PTPRD: variants seen among roughly 807,000 people sequenced by gnomAD.
The protein encoded by PTPRD is protein tyrosine phosphatase receptor type D, also known as receptor-type tyrosine-protein phosphatase delta.
PTPRD carries 34 observed loss-of-function variants against 214.5 expected under a neutral mutation model. That is an observed-to-expected ratio of 0.16 (90% confidence interval 0.12 to 0.21). The LOEUF (loss-of-function observed/expected upper bound fraction) is 0.21, where lower values mean the gene tolerates loss of function less well. PTPRD is among the 10% of genes least tolerant of loss of function. The pLI is 1.00. For synonymous variants in PTPRD, 1,128 were observed against 845.7 expected, an observed-to-expected ratio of 1.33 and a Z score of -5.79; for missense variants, 2,545 against 2,398.7, an observed-to-expected ratio of 1.06 and a Z score of -1.27.
intron 9 of PTPRD, among the ~76,000 whole-genome samples, chr9:9,262,783 TA>T (rs1173325579): frequency 2.0e-5 from 3 of 151,694 alleles, no homozygotes; most frequent in Admixed American, 1.3e-4. Flanking sequence ...TATGAATACA[TA>T]AAACAATTAA....
At chr9:9,922,403 C>G (rs1238675881) in intron 5 of PTPRD, among the ~76,000 whole-genome samples, 2 of 152,070 alleles carry the variant, frequency 1.3e-5, no homozygotes, top group East Asian at 1.9e-4. Context: ...AACCTTCTTT[C>G]CCTTTTTGGT....
At chr9:9,620,792 T>A (rs1434990638) in intron 7 of PTPRD, among the ~76,000 whole-genome samples, 2 of 151,898 alleles carry the variant, frequency 1.3e-5, no homozygotes, top group African/African-American at 4.8e-5. Context: ...TAGAACTTTA[T>A]CGTCAGCTAC....
At position 10,336,746 on chromosome 9, in the gene PTPRD, G is replaced by A. The variant is rs368363285; in HGVS notation, c.-545+4217C>T. Among the ~76,000 whole-genome samples the A allele has an allele frequency of 5.8e-4, 88 of 151,674 alleles. 1 individual carries two copies. Among genetic ancestry groups the A allele is most frequent in the African/African-American group, 1.6e-3 (66 of 41,478 alleles). ...AATAACAATCGGCAGAAACTATAAAGAGCTATATCTAAAACAAAATACTAA... is the reference window on the plus strand; with the variant it reads ...AATAACAATCGGCAGAAACTATAAAAAGCTATATCTAAAACAAAATACTAA... On this transcript the variant is annotated intron_variant, in intron 3 of 45. Coordinates refer to ENST00000381196, the MANE Select transcript of PTPRD (RefSeq NM_002839.4).
chr9:8,772,629 C>A (rs1285678920), intron 11 of PTPRD, among the ~76,000 whole-genome samples: 1 of 152,018 alleles, frequency 6.6e-6, no homozygotes, highest in Non-Finnish European at 1.5e-5. Context: ...GGCAATAGAG[C>A]AAGACCTTGT....
intron 2 of PTPRD, among the ~76,000 whole-genome samples, chr9:10,565,044 G>A (rs571925977): frequency 6.6e-6 from 1 of 152,122 alleles, no homozygotes; most frequent in East Asian, 1.9e-4. Context: ...AATTCCTAAT[G>A]TAGCATATTT....
intron 14 of PTPRD, among the ~76,000 whole-genome samples, chr9:8,548,368 G>C (rs1003559753): frequency 6.6e-6 from 1 of 151,792 alleles, no homozygotes; most frequent in Non-Finnish European, 1.5e-5. Flanking sequence ...CATGCAGCTG[G>C]AATTTTGTTT....
intron 7 of PTPRD, among the ~76,000 whole-genome samples, chr9:9,584,664 G>T (rs561532079): frequency 1.3e-5 from 2 of 151,908 alleles, no homozygotes; most frequent in East Asian, 3.9e-4. Context: ...TTATTTCCAA[G>T]AAAGGATCTC....
In PTPRD at chr9:10,080,806, A is replaced by G. The variant is rs140914009; in HGVS notation, c.-544-47016T>C. 2.1e-3 allele frequency among the ~76,000 whole-genome samples: 320 copies of G among 152,256 alleles called. 3 individuals carry two copies. Among genetic ancestry groups the G allele is most frequent in the African/African-American group, 7.1e-3 (295 of 41,574 alleles). ...TGCTCTTGACCATTAAAAAGCTACC[A>G]TTTTGAAAATTAAATTTCTGGCAAG... is the stretch of plus-strand genomic sequence containing the variant. On this transcript the variant is annotated intron_variant, in intron 3 of 45. Coordinates refer to ENST00000381196, the MANE Select transcript of PTPRD (RefSeq NM_002839.4).
chr9:9,973,333 G>A (rs896573784), intron 4 of PTPRD, among the ~76,000 whole-genome samples: 1 of 151,314 alleles, frequency 6.6e-6, no homozygotes, highest in Non-Finnish European at 1.5e-5. Flanking sequence ...TTACCCAGGT[G>A]TGGTCGCTTG....
rs79693920 is a variant in PTPRD at position 9,953,920 on chromosome 9, A to T, written c.-471-15310T>A. On this transcript the variant is annotated intron_variant, in intron 4 of 45. Transcript: ENST00000381196. ...TTGCAGTTGCTTTTTGTGTAAAGGG[A>T]GGATTTCTTTGCTGTGTTTTTTAAA... Among the ~76,000 whole-genome samples, 1,379 of 152,122 alleles carry T rather than the reference A, an allele frequency of 9.1e-3. 14 individuals carry two copies. The highest frequency in any genetic ancestry group is 0.031 in the African/African-American group (1,292 of 41,492).
intron 4 of PTPRD, among the ~76,000 whole-genome samples, chr9:10,003,017 T>A (rs1245674767): frequency 6.6e-6 from 1 of 151,632 alleles, no homozygotes; most frequent in Non-Finnish European, 1.5e-5. Flanking sequence ...AAATTACAAA[T>A]CAATTATAAG....
intron 5 of PTPRD, among the ~76,000 whole-genome samples, chr9:9,823,250 A>C (rs2051420505): frequency 6.6e-6 from 1 of 152,124 alleles, no homozygotes. Flanking sequence ...GCTTCTGGGA[A>C]GGCCTCAGGA....
intron 3 of PTPRD, among the ~76,000 whole-genome samples, chr9:10,229,118 C>T (rs571376394): frequency 2.4e-4 from 37 of 152,078 alleles, no homozygotes; most frequent in African/African-American, 7.9e-4. Flanking sequence ...TCATCACTGG[C>T]CATCAGAGAA....
chr9:9,188,546 T>C (rs2099933099), intron 9 of PTPRD, among the ~76,000 whole-genome samples: 1 of 152,074 alleles, frequency 6.6e-6, no homozygotes, highest in South Asian at 2.1e-4. Flanking sequence ...GCTTTGAAAG[T>C]CTAAGCTTGG....
intron 8 of PTPRD, among the ~76,000 whole-genome samples, chr9:9,566,149 T>A (rs754419754): frequency 2.6e-5 from 4 of 152,000 alleles, no homozygotes; most frequent in Non-Finnish European, 5.9e-5. Flanking sequence ...CCAGTACTTA[T>A]TAAAATTCTC....
At chr9:8,346,069 C>G (rs757750496) in intron 39 of PTPRD, among the ~76,000 whole-genome samples, 118 of 152,090 alleles carry the variant, frequency 7.8e-4, no homozygotes, top group Non-Finnish European at 1.1e-3. Context: ...TAAGCTTAAT[C>G]AGTATCTTCT....
intron 5 of PTPRD, among the ~76,000 whole-genome samples, chr9:9,796,377 T>C (rs1029930451): frequency 6.6e-6 from 1 of 152,174 alleles, no homozygotes; most frequent in African/African-American, 2.4e-5. Context: ...TTTAGATATG[T>C]GCTGTCTGAG....
At chr9:10,118,653 G>T (rs1456372012) in intron 3 of PTPRD, among the ~76,000 whole-genome samples, 2 of 151,338 alleles carry the variant, frequency 1.3e-5, no homozygotes, top group Non-Finnish European at 3.0e-5. Flanking sequence ...CTCAAAATAA[G>T]ATAAAAATGT....
intron 12 of PTPRD, among the ~76,000 whole-genome samples, chr9:8,669,370 C>A (rs546572799): frequency 6.6e-6 from 1 of 152,180 alleles, no homozygotes; most frequent in Non-Finnish European, 1.5e-5. Flanking sequence ...GCGCTCACTT[C>A]TGCTATAGAG....
Sources: gnomAD v4.1 joint callset for allele counts (sites outside exome capture counted in the v4.1 genomes callset) on GRCh38, gnomAD v4.1.1 for gene constraint, MANE v1.5 for transcripts, NCBI Gene and HGNC (gene_info 2026-07-23, HGNC 2026-07-21) for gene names.